ZSCAN5A: variants seen among roughly 807,000 people sequenced by gnomAD.
ZSCAN5A encodes zinc finger and SCAN domain containing 5A, also known as zinc finger and SCAN domain-containing protein 5A.
In ZSCAN5A, 12 loss-of-function variants were observed where a neutral mutation model predicts 23.7. The observed-to-expected ratio is 0.51, with a 90% CI of 0.32 to 0.82. The LOEUF (loss-of-function observed/expected upper bound fraction) is 0.82. ZSCAN5A is among the 40% of genes least tolerant of loss of function. The pLI is 0.03. For synonymous variants in ZSCAN5A, 257 were observed against 239.9 expected, an observed-to-expected ratio of 1.07 and a Z score of -0.66; for missense variants, 597 against 617.9, an observed-to-expected ratio of 0.97 and a Z score of 0.36.
In ZSCAN5A at chr19:56,224,922, A is replaced by C. The variant is rs747763578; in HGVS notation, c.125T>G (p.Ile42Ser). 1.2e-6 allele frequency: 2 copies of C among 1,614,014 alleles called. No individual in the cohort carries two copies. Among genetic ancestry groups the C allele is most frequent in the Non-Finnish European group, 1.7e-6 (2 of 1,180,034 alleles). The change falls in exon 3 of 6, where the codon ATT (isoleucine) becomes AGT (serine). Residue 42 changes from isoleucine (I) to serine (S), a missense_variant. Physicochemically the swap from Ile to Ser is moderately radical, Grantham distance 142. This residue lies in a region of ZSCAN5A where 72 missense variants were observed against 76.8 expected (regional missense o/e 0.94). Coordinates refer to ENST00000683990, the MANE Select transcript of ZSCAN5A (RefSeq NM_001322064.3). ...QLGNHDVDPE[I>S]SHVNFRMFSC... ...GAACATCCTGAAGTTCACGTGAGAA[A>C]TCTCAGGGTCCACGTCGTGATTTCC...
chr19:56,325,150 T>C (rs1053520394), intron 2 of ZSCAN5A, among the ~76,000 whole-genome samples: 1 of 152,248 alleles, frequency 6.6e-6, no homozygotes, highest in Non-Finnish European at 1.5e-5. Context: ...TTTTCCCTTC[T>C]TCCCTCCCCA....
At chr19:56,226,972 A>T (rs2034009216) in intron 2 of ZSCAN5A, among the ~76,000 whole-genome samples, 1 of 152,226 alleles carries the variant, frequency 6.6e-6, no homozygotes, top group Admixed American at 6.5e-5. Context: ...AATAATAATT[A>T]AAAACCCAGT....
intron 2 of ZSCAN5A, among the ~76,000 whole-genome samples, chr19:56,326,305 TTGTGTG>T (rs368735639): frequency 6.2e-5 from 9 of 145,532 alleles, no homozygotes; most frequent in Non-Finnish European, 9.1e-5. Context: ...ACAGTTACCA[TTGTGTG>T]TGTGTGTGTG....
At chr19:56,275,737 A>C (rs2038198802) in intron 2 of ZSCAN5A, among the ~76,000 whole-genome samples, 1 of 152,220 alleles carries the variant, frequency 6.6e-6, no homozygotes, top group Non-Finnish European at 1.5e-5. Context: ...TGGGGTGTCT[A>C]GTGTACTCTT....
chr19:56,318,423 C>T (rs1404731628), upstream of ZSCAN5A, among the ~76,000 whole-genome samples: 2 of 152,216 alleles, frequency 1.3e-5, no homozygotes, highest in East Asian at 1.9e-4. Context: ...CAGCCTTGAA[C>T]ATAGTATTTA....
intron 2 of ZSCAN5A, among the ~76,000 whole-genome samples, chr19:56,267,386 GTC>G (rs1212993826): frequency 6.6e-6 from 1 of 152,016 alleles, no homozygotes; most frequent in Admixed American, 6.6e-5. Flanking sequence ...TAGGTATATA[GTC>G]TATTAAGGCT....
chr19:56,236,031 A>T (rs367982844), intron 2 of ZSCAN5A, among the ~76,000 whole-genome samples: 1 of 33,348 alleles, frequency 3.0e-5, no homozygotes. Flanking sequence ...CTCCACTCCA[A>T]CCTCTGATGG....
chr19:56,368,115 G>C (rs2041785656), intron 1 of ZSCAN5A: 1 of 152,422 alleles, frequency 6.6e-6, no homozygotes, highest in Non-Finnish European at 1.5e-5. Context: ...ACGCCCCCAC[G>C]GCCGAACTCA....
At chr19:56,327,425 A>AT (rs2041444697) in intron 2 of ZSCAN5A, among the ~76,000 whole-genome samples, 1 of 151,190 alleles carries the variant, frequency 6.6e-6, no homozygotes, top group Non-Finnish European at 1.5e-5. Context: ...AACTGCAATG[A>AT]TTTTAATTAT....
chr19:56,300,122 C>T (rs1209673283), intron 2 of ZSCAN5A: 2 of 152,128 alleles, frequency 1.3e-5, no homozygotes, highest in Non-Finnish European at 2.9e-5. Context: ...AAAATATCCT[C>T]CAAACCCAGA....
At chr19:56,250,137 T>C (rs1042228015) in intron 2 of ZSCAN5A, among the ~76,000 whole-genome samples, 2 of 152,162 alleles carry the variant, frequency 1.3e-5, no homozygotes, top group African/African-American at 4.8e-5. Context: ...AAGGGCAGAA[T>C]AGACAGGACA....
At chr19:56,290,915 C>T (rs2039466861) in intron 2 of ZSCAN5A, among the ~76,000 whole-genome samples, 1 of 152,106 alleles carries the variant, frequency 6.6e-6, no homozygotes, top group South Asian at 2.1e-4. Context: ...AGGCAACTAT[C>T]CAAAGAAGGG....
chr19:56,313,719 C>T (rs890211056), intron 1 of ZSCAN5A, among the ~76,000 whole-genome samples: 4 of 152,220 alleles, frequency 2.6e-5, no homozygotes, highest in African/African-American at 4.8e-5. Flanking sequence ...TTTTTTGTAA[C>T]TTCTCCTGGA....
chr19:56,268,203 C>T (rs2037606193), intron 2 of ZSCAN5A, among the ~76,000 whole-genome samples: 1 of 152,224 alleles, frequency 6.6e-6, no homozygotes, highest in African/African-American at 2.4e-5. Flanking sequence ...TGGCTTGGGA[C>T]TCCTTGGGGG....
At chr19:56,318,930 T>G (rs2041345490), upstream of ZSCAN5A, among the ~76,000 whole-genome samples, 1 of 152,146 alleles carries the variant, frequency 6.6e-6, no homozygotes, top group Non-Finnish European at 1.5e-5. Flanking sequence ...TTGTTATGAC[T>G]GTGGTGGGGC....
At chr19:56,362,618 C>CT (rs1437198317) in intron 2 of ZSCAN5A, among the ~76,000 whole-genome samples, 1 of 151,950 alleles carries the variant, frequency 6.6e-6, no homozygotes, top group Non-Finnish European at 1.5e-5. Flanking sequence ...GCCTGTAATC[C>CT]TAGCACTTTG....
At chr19:56,272,816 C>T in intron 2 of ZSCAN5A, 5 of 970,534 alleles carry the variant, frequency 5.2e-6, no homozygotes, top group Non-Finnish European at 4.9e-6. Context: ...GAACATTCAG[C>T]CCAAATCCCA....
At chr19:56,304,719 A>T (rs8182493) in intron 2 of ZSCAN5A, 1 of 865,672 alleles carries the variant, frequency 1.2e-6, no homozygotes, top group Non-Finnish European at 1.4e-6. Flanking sequence ...GGAGAAAGGG[A>T]GGTAAGGAAG....
chr19:56,340,445 A>G (rs1329500557), intron 2 of ZSCAN5A, among the ~76,000 whole-genome samples: 5 of 152,200 alleles, frequency 3.3e-5, no homozygotes, highest in African/African-American at 7.2e-5. Context: ...CCTTTTCACA[A>G]TTCTCTTGAT....
Sources: allele counts gnomAD v4.1 joint callset (sites outside exome capture counted in the v4.1 genomes callset), GRCh38; gene constraint gnomAD v4.1.1; regional missense constraint gnomAD v4.1.1; transcripts MANE v1.5; gene names NCBI Gene and HGNC (gene_info 2026-07-23, HGNC 2026-07-21).